Variants in SYT14 observed in about 807,000 individuals in gnomAD.
SYT14 encodes the protein synaptotagmin-14.
Under a neutral mutation model 74.2 loss-of-function variants are expected in SYT14, and 32 were observed. That is an observed-to-expected ratio of 0.43 (90% CI 0.33 to 0.58). The LOEUF is 0.58. Among genes scored for constraint, SYT14 ranks in the 20% least tolerant of loss-of-function variants. The probability of loss-of-function intolerance (pLI) is 0.05; values close to 1 mark genes in which losing one functional copy is unlikely to be tolerated. For missense variants in SYT14, 791 were observed against 981.8 expected, an observed-to-expected ratio of 0.81 and a Z score of 2.60; for synonymous variants, 298 against 337.7, an observed-to-expected ratio of 0.88 and a Z score of 1.29.
chr1:210,159,530 T>C lies in SYT14; in HGVS notation c.2281+53T>C, dbSNP rs373929598. On this transcript the variant is annotated intron_variant, in intron 9 of 9. Transcript: ENST00000637265. ...GTTGTCTTTTCATGCAAAACCAAAATACCCTAAAACTTGCCAGCAGTGAAG... is the reference window on the plus strand; with the variant it reads ...GTTGTCTTTTCATGCAAAACCAAAACACCCTAAAACTTGCCAGCAGTGAAG... 1.3e-4 allele frequency: 194 copies of C among 1,503,298 alleles called. No homozygotes were observed. In the South Asian group the frequency reaches 2.1e-3, roughly 16 times the overall value. 93.1% of individuals were successfully genotyped at this position (1,503,298 alleles called of 1,614,324 possible).
At chr1:210,126,946 A>G (rs2082581283) in intron 7 of SYT14, among the ~76,000 whole-genome samples, 1 of 152,216 alleles carries the variant, frequency 6.6e-6, no homozygotes, top group Non-Finnish European at 1.5e-5. Context: ...TGAGTGACAT[A>G]TAGAGAAAGA....
intron 2 of SYT14, among the ~76,000 whole-genome samples, chr1:209,968,031 T>C (rs2079183299): frequency 6.6e-6 from 1 of 152,086 alleles, no homozygotes; most frequent in Non-Finnish European, 1.5e-5. Flanking sequence ...AACTGAGGAA[T>C]AAAAGGAAAG....
intron 5 of SYT14, among the ~76,000 whole-genome samples, chr1:210,026,792 G>A (rs2080423070): frequency 1.0e-5 from 1 of 98,084 alleles, no homozygotes; most frequent in Non-Finnish European, 1.8e-5. Context: ...ATATTTAAGA[G>A]TAATAGATTG....
chr1:209,979,006 G>T (rs183210370), intron 2 of SYT14, among the ~76,000 whole-genome samples: 194 of 152,346 alleles, frequency 1.3e-3, no homozygotes, highest in African/African-American at 4.4e-3. Flanking sequence ...CTCCGAGCCA[G>T]GCGCGGGATA....
At position 210,021,392 on chromosome 1, in the gene SYT14, T is replaced by G. The variant is rs1024175862; in HGVS notation, c.1312+138T>G. 27 of 943,958 alleles carry G rather than the reference T, an allele frequency of 2.9e-5. 1 individual carries two copies. The highest frequency in any genetic ancestry group is 9.2e-5 in the Admixed American group (4 of 43,690). 58.5% of individuals were successfully genotyped at this position (943,958 alleles called of 1,614,324 possible). A position where few individuals can be genotyped will look rare whatever the true frequency, so the allele number is the denominator to read the frequency against. ...CAGTCACATTTCTGGGAATGTAATT[T>G]ATTCAAATTTGTATCTTTGGGCTCA... On this transcript the variant is annotated intron_variant, in intron 5 of 9. Coordinates refer to ENST00000637265, the Ensembl canonical transcript of SYT14.
chr1:209,973,653 T>G (rs1318525470), intron 2 of SYT14, among the ~76,000 whole-genome samples: 3 of 152,240 alleles, frequency 2.0e-5, no homozygotes, highest in Admixed American at 6.5e-5. Flanking sequence ...CTATTGTGAA[T>G]AGTGCCGCTA....
intron 5 of SYT14, among the ~76,000 whole-genome samples, chr1:210,073,215 A>G (rs2081427723): frequency 6.6e-6 from 1 of 152,042 alleles, no homozygotes; most frequent in African/African-American, 2.4e-5. Flanking sequence ...CAAAACATTA[A>G]TGCAAAGATT....
At chr1:210,100,375 G>T in exon 7 of SYT14, 1 of 1,613,700 alleles carries the variant, frequency 6.2e-7, no homozygotes. Context: ...AAAGATTGTG[G>T]GGGAAAAGAT....
At chr1:210,032,080 G>GT (rs913204461) in intron 5 of SYT14, among the ~76,000 whole-genome samples, 1 of 151,996 alleles carries the variant, frequency 6.6e-6, no homozygotes, top group African/African-American at 2.4e-5. Context: ...GCAGAGTTAA[G>GT]TATCTTCCTT....
At chr1:209,980,500 CTT>C (rs1334127225) in intron 2 of SYT14, among the ~76,000 whole-genome samples, 1 of 152,188 alleles carries the variant, frequency 6.6e-6, no homozygotes, top group Admixed American at 6.5e-5. Context: ...GCTTTTGGCA[CTT>C]TTGTCATGAA....
chr1:210,045,988 ATTACT>A (rs1488043448), intron 5 of SYT14, among the ~76,000 whole-genome samples: 1 of 152,208 alleles, frequency 6.6e-6, no homozygotes, highest in Admixed American at 6.5e-5. Flanking sequence ...TACAAAGAAA[ATTACT>A]TTATCTTAAT....
chr1:209,999,202 G>C (rs760996689), intron 2 of SYT14, among the ~76,000 whole-genome samples: 1 of 151,664 alleles, frequency 6.6e-6, no homozygotes, highest in African/African-American at 2.4e-5. Flanking sequence ...GCCACAACGA[G>C]GTATCATCTT....
At chr1:210,010,995 T>C (rs980492349) in intron 2 of SYT14, among the ~76,000 whole-genome samples, 3 of 152,208 alleles carry the variant, frequency 2.0e-5, no homozygotes, top group Non-Finnish European at 2.9e-5. Flanking sequence ...ATTTCTGTTA[T>C]CAATAACTAG....
chr1:210,095,092 G>GAC (rs2081946830), intron 6 of SYT14, among the ~76,000 whole-genome samples: 1 of 152,112 alleles, frequency 6.6e-6, no homozygotes, highest in Non-Finnish European at 1.5e-5. Flanking sequence ...CTGGTTGGTT[G>GAC]AGCTTTAAGT....
At chr1:210,085,769 ACT>A (rs2081715497) in intron 5 of SYT14, among the ~76,000 whole-genome samples, 1 of 152,082 alleles carries the variant, frequency 6.6e-6, no homozygotes, top group Admixed American at 6.5e-5. Context: ...TGTTTACATA[ACT>A]CTGGGTTAGA....
intron 7 of SYT14, among the ~76,000 whole-genome samples, chr1:210,132,217 G>C (rs762492567): frequency 5.3e-5 from 8 of 151,984 alleles, no homozygotes; most frequent in Non-Finnish European, 1.0e-4. Context: ...TCCTTATTCT[G>C]CTCAGGATCT....
intron 7 of SYT14, among the ~76,000 whole-genome samples, chr1:210,120,467 C>A (rs2082437865): frequency 6.6e-6 from 1 of 151,620 alleles, no homozygotes; most frequent in African/African-American, 2.4e-5. Context: ...TCATCAGCCT[C>A]CCGAGAAGCT....
chr1:210,161,958 G>A (rs1175899001), exon 10 of SYT14: 19 of 453,564 alleles, frequency 4.2e-5, no homozygotes, highest in East Asian at 4.2e-4. Context: ...ATAAGCTGTC[G>A]AAAATGGAAA....
chr1:210,059,827 A>C (rs2081175384), intron 5 of SYT14, among the ~76,000 whole-genome samples: 1 of 152,102 alleles, frequency 6.6e-6, no homozygotes, highest in Admixed American at 6.6e-5. Context: ...TCTAATTTGC[A>C]AGACATGTTT....
Sources: gnomAD v4.1 joint callset for allele counts (sites outside exome capture counted in the v4.1 genomes callset) on GRCh38, gnomAD v4.1.1 for gene constraint, MANE v1.5 for transcripts, NCBI Gene and HGNC (gene_info 2026-07-23, HGNC 2026-07-21) for gene names.